The following ARHGEF9 variants were observed in gnomAD, a reference collection of about 807,000 sequenced individuals.
The protein encoded by ARHGEF9 is rho guanine nucleotide exchange factor 9.
A neutral mutation model predicts 41.3 loss-of-function variants in ARHGEF9; 2 were observed. That is an observed-to-expected ratio of 0.05 (90% CI 0.02 to 0.15). The LOEUF (loss-of-function observed/expected upper bound fraction) is 0.15, where lower values mean the gene tolerates loss of function less well. Among genes scored for constraint, ARHGEF9 ranks in the 10% least tolerant of loss-of-function variants. The pLI, the probability that ARHGEF9 is intolerant of heterozygous loss-of-function variation, is 1.00. For missense variants in ARHGEF9, 225 were observed against 424.7 expected (o/e 0.53, Z 4.13); for synonymous variants, 160 against 154.4 (o/e 1.04, Z -0.27).
chrX:63,775,521 C>T (rs782247914), intron 1 of ARHGEF9, among the ~76,000 whole-genome samples: 5 of 111,913 alleles, frequency 4.5e-5, no homozygotes, highest in East Asian at 2.8e-4. Context: ...ATGTCCTTTG[C>T]GGCAACATGG....
At chrX:63,716,019 G>C in intron 2 of ARHGEF9, 1 of 112,343 alleles carries the variant, frequency 8.9e-6, no homozygotes, top group Middle Eastern at 4.6e-3. Context: ...CAGGGTGGTG[G>C]CTCACACCTA....
chrX:63,754,425 G>A, intron 1 of ARHGEF9: 2 of 1,170,428 alleles, frequency 1.7e-6, no homozygotes, highest in Non-Finnish European at 2.3e-6. Context: ...TTTTTTCTCG[G>A]TGGCTCTCGG....
At chrX:63,767,756 A>G (rs1302229729) in intron 1 of ARHGEF9, among the ~76,000 whole-genome samples, 1 of 111,989 alleles carries the variant, frequency 8.9e-6, no homozygotes, top group Non-Finnish European at 1.9e-5. Flanking sequence ...TATTCCTGGT[A>G]CCCCTCACCT....
chrX:63,770,330 AC>A (rs2056182730), intron 1 of ARHGEF9, among the ~76,000 whole-genome samples: 1 of 112,589 alleles, frequency 8.9e-6, no homozygotes, highest in Non-Finnish European at 1.9e-5. Flanking sequence ...TGTATTTGAA[AC>A]TTGCATGGGG....
intron 3 of ARHGEF9, among the ~76,000 whole-genome samples, chrX:63,705,361 G>A (rs1413468325): frequency 3.6e-5 from 3 of 84,074 alleles, no homozygotes; most frequent in East Asian, 6.9e-4. Context: ...GAGAGAATGT[G>A]TGTGTGTGTG....
intron 3 of ARHGEF9, among the ~76,000 whole-genome samples, chrX:63,705,387 G>C (rs1556400616): frequency 9.2e-6 from 1 of 108,963 alleles, no homozygotes; most frequent in Non-Finnish European, 1.9e-5. Context: ...GTGTGTGTGT[G>C]TGTGTGTGTG....
intron 8 of ARHGEF9, 54 bp downstream of exon 8, chrX:63,655,440 A>T: frequency 8.3e-7 from 1 of 1,207,372 alleles, no homozygotes; most frequent in Non-Finnish European, 1.1e-6. Context: ...AACCAATTCA[A>T]ACCTCCTATG....
At chrX:63,646,195 T>G (rs1452398760) in intron 8 of ARHGEF9, among the ~76,000 whole-genome samples, 1 of 111,793 alleles carries the variant, frequency 8.9e-6, no homozygotes. Context: ...TTCACTCTGA[T>G]GGTAGTTTCT....
intron 7 of ARHGEF9, among the ~76,000 whole-genome samples, chrX:63,662,522 G>C (rs1374951662): frequency 2.7e-5 from 3 of 111,799 alleles, no homozygotes; most frequent in Non-Finnish European, 3.8e-5. Context: ...TAATAATCAA[G>C]TACAGAATTT....
intron 1 of ARHGEF9, among the ~76,000 whole-genome samples, chrX:63,739,659 A>G (rs1333103199): frequency 3.6e-5 from 4 of 111,231 alleles, no homozygotes; most frequent in African/African-American, 1.3e-4. Flanking sequence ...CCATTTGTAA[A>G]ATGGATATAA....
chrX:63,710,735 T>G (rs1412265496), intron 2 of ARHGEF9, among the ~76,000 whole-genome samples: 2 of 111,734 alleles, frequency 1.8e-5, no homozygotes, highest in East Asian at 5.6e-4. Flanking sequence ...TCATATTTAA[T>G]GGTGAAAGAC....
intron 9 of ARHGEF9, chrX:63,639,958 G>A (rs1374222784): frequency 8.9e-6 from 1 of 111,851 alleles, no homozygotes; most frequent in African/African-American, 3.3e-5. Context: ...CTAGAGGCTT[G>A]GAAGGATGGT....
intron 3 of ARHGEF9, among the ~76,000 whole-genome samples, chrX:63,705,636 C>T (rs2052489289): frequency 9.0e-6 from 1 of 111,223 alleles, no homozygotes; most frequent in African/African-American, 3.3e-5. Context: ...TCCATCCAGC[C>T]TCCATCTTCT....
intron 1 of ARHGEF9, among the ~76,000 whole-genome samples, chrX:63,758,761 C>T (rs1467562862): frequency 8.9e-6 from 1 of 112,332 alleles, no homozygotes; most frequent in Admixed American, 9.4e-5. Context: ...GAATGATAGT[C>T]CTCTCCCATA....
intron 3 of ARHGEF9, among the ~76,000 whole-genome samples, chrX:63,700,453 C>T (rs781960866): frequency 8.9e-6 from 1 of 111,764 alleles, no homozygotes; most frequent in Non-Finnish European, 1.9e-5. Context: ...TACTCTCATT[C>T]ACTCATTTTT....
At chrX:63,747,352 T>G (rs2055337356) in intron 1 of ARHGEF9, among the ~76,000 whole-genome samples, 1 of 111,802 alleles carries the variant, frequency 8.9e-6, no homozygotes, top group Non-Finnish European at 1.9e-5. Context: ...CTGATTATTT[T>G]AAATACAATT....
intron 9 of ARHGEF9, 103 bp downstream of exon 9, chrX:63,643,877 C>T: frequency 1.1e-6 from 1 of 904,215 alleles, no homozygotes; most frequent in Non-Finnish European, 1.6e-6. Flanking sequence ...TACTCCTCCA[C>T]CACCCCCAAG....
chrX:63,647,425 G>T (rs1410150626), intron 8 of ARHGEF9, among the ~76,000 whole-genome samples: 1 of 111,714 alleles, frequency 9.0e-6, no homozygotes, highest in Non-Finnish European at 1.9e-5. Flanking sequence ...AATTTATTGA[G>T]AGTTTTTAGC....
intron 3 of ARHGEF9, among the ~76,000 whole-genome samples, chrX:63,700,303 A>G (rs1483005577): frequency 4.5e-5 from 5 of 112,031 alleles, no homozygotes; most frequent in African/African-American, 1.6e-4. Context: ...AGTTTCTGGA[A>G]AAAGAAAGGC....
Sources: allele counts gnomAD v4.1 joint callset (sites outside exome capture counted in the v4.1 genomes callset), GRCh38; gene constraint gnomAD v4.1.1; transcripts MANE v1.5; gene names NCBI Gene and HGNC (gene_info 2026-07-23, HGNC 2026-07-21).